ZNF516: variants seen among roughly 807,000 people sequenced by gnomAD.
The protein encoded by ZNF516 is zinc finger protein 516.
ZNF516 carries 19 observed loss-of-function variants against 79.7 expected under a neutral mutation model. The ratio of observed to expected loss-of-function variants is 0.24; its 90% CI spans 0.17 to 0.35. The LOEUF (loss-of-function observed/expected upper bound fraction) is 0.35. Ranked by LOEUF, ZNF516 falls within the 10% of genes least tolerant of loss-of-function variation. The pLI is 1.00. For synonymous variants in ZNF516, 877 were observed against 739.5 expected, an observed-to-expected ratio of 1.19 and a Z score of -3.02; for missense variants, 1,678 against 1,679.5, an observed-to-expected ratio of 1.00 and a Z score of 0.02.
chr18:76,412,737 C>T (rs1447507977), intron 3 of ZNF516, among the ~76,000 whole-genome samples: 1 of 152,230 alleles, frequency 6.6e-6, no homozygotes. Flanking sequence ...AGCTCCTGGA[C>T]TCTTTTCCTC....
At chr18:76,486,799 T>A (rs1347010443) in intron 1 of ZNF516, among the ~76,000 whole-genome samples, 4 of 152,120 alleles carry the variant, frequency 2.6e-5, no homozygotes, top group Admixed American at 6.5e-5. Flanking sequence ...CACAATTACA[T>A]ACGATATACA....
At chr18:76,401,443 G>A (rs533944997) in intron 3 of ZNF516, among the ~76,000 whole-genome samples, 222 of 152,228 alleles carry the variant, frequency 1.5e-3, no homozygotes, top group Non-Finnish European at 3.0e-3. Flanking sequence ...CCAAGCTGGA[G>A]CCCTGGATCT....
intron 3 of ZNF516, among the ~76,000 whole-genome samples, chr18:76,404,558 G>A (rs1398459478): frequency 6.6e-6 from 1 of 151,792 alleles, no homozygotes; most frequent in African/African-American, 2.4e-5. Context: ...GTGTGCATGT[G>A]TTTGTATGTT....
chr18:76,380,862 G>A (rs935415946), intron 3 of ZNF516, among the ~76,000 whole-genome samples: 5 of 152,172 alleles, frequency 3.3e-5, no homozygotes, highest in African/African-American at 1.2e-4. Flanking sequence ...TCAGCCATAG[G>A]GCTCCCTCCC....
chr18:76,488,211 CCAA>C, intron 1 of ZNF516: 3 of 985,348 alleles, frequency 3.0e-6, no homozygotes, highest in Non-Finnish European at 3.6e-6. Context: ...GATGCAGCTC[CCAA>C]CAACAGAGTA....
upstream of ZNF516, chr18:76,495,386 G>C (rs1390078349): frequency 6.8e-6 from 1 of 146,928 alleles, no homozygotes; most frequent in Non-Finnish European, 1.5e-5. Flanking sequence ...AGCCGGGCTC[G>C]GGGGGCTGCG....
intron 3 of ZNF516, among the ~76,000 whole-genome samples, chr18:76,438,811 G>T (rs1216691279): frequency 6.6e-6 from 1 of 152,154 alleles, no homozygotes; most frequent in African/African-American, 2.4e-5. Flanking sequence ...GGCACAACTG[G>T]GTATTACTGG....
chr18:76,426,350 C>A (rs1228550970), intron 3 of ZNF516, among the ~76,000 whole-genome samples: 1 of 152,154 alleles, frequency 6.6e-6, no homozygotes, highest in Non-Finnish European at 1.5e-5. Context: ...AATCAGCCAA[C>A]AAGACCAGAC....
At chr18:76,434,153 G>A (rs1452979258) in intron 3 of ZNF516, among the ~76,000 whole-genome samples, 1 of 147,576 alleles carries the variant, frequency 6.8e-6, no homozygotes, top group Non-Finnish European at 1.5e-5. Flanking sequence ...CTATCTCACG[G>A]GAACGGGGTG....
In ZNF516 at chr18:76,359,714, A is replaced by G. The variant is rs1033820187; in HGVS notation, c.*2784T>C. ...TTGTCTAAGTTACATTAGACGCAAC[A>G]CTGTAAAAAATCCTGTTAAGAAACA... On this transcript the variant is annotated 3_prime_UTR_variant, in exon 7 of 7. Transcript: ENST00000443185. The G allele has an allele frequency of 2.0e-5, 3 of 152,046 alleles. No individual in the cohort carries two copies. The highest frequency in any genetic ancestry group is 7.2e-5 in the African/African-American group (3 of 41,386). 9.4% of individuals were successfully genotyped at this position (152,046 alleles called of 1,614,324 possible).
rs186919958 is a variant in ZNF516, at chr18:76,405,730, C to T, written c.1811-25427G>A. On this transcript the variant is annotated intron_variant, in intron 3 of 6. Coordinates refer to ENST00000443185, the MANE Select transcript of ZNF516 (RefSeq NM_014643.4). ...ACCAAACGCCCCCGGTTGGTGACTC[C>T]GCTGACACACGCGTGATGAATGCGT... 9.8e-4 allele frequency among the ~76,000 whole-genome samples: 149 copies of T among 152,106 alleles called. 1 individual carries two copies. The South Asian group carries it at 0.012, about 12-fold the overall frequency.
chr18:76,409,312 C>T (rs1218562067), intron 3 of ZNF516, among the ~76,000 whole-genome samples: 1 of 152,092 alleles, frequency 6.6e-6, no homozygotes, highest in Non-Finnish European at 1.5e-5. Context: ...CAAATTTAAT[C>T]ACAAAATATT....
intron 3 of ZNF516, among the ~76,000 whole-genome samples, chr18:76,382,100 C>G (rs1425913829): frequency 6.6e-6 from 1 of 152,012 alleles, no homozygotes; most frequent in Non-Finnish European, 1.5e-5. Context: ...CCACTGCACT[C>G]CAGCCTGGGC....
intron 3 of ZNF516, among the ~76,000 whole-genome samples, chr18:76,425,104 C>T (rs556445296): frequency 1.3e-5 from 2 of 152,098 alleles, no homozygotes; most frequent in East Asian, 3.9e-4. Flanking sequence ...TCCCCTGACT[C>T]GGAAGGGCCT....
chr18:76,418,940 C>A (rs660342), intron 3 of ZNF516, among the ~76,000 whole-genome samples: 4 of 152,080 alleles, frequency 2.6e-5, no homozygotes, highest in Non-Finnish European at 4.4e-5. Flanking sequence ...TCCTCCAGCC[C>A]AAACACCTCA....
At chr18:76,424,416 C>G (rs1441702729) in intron 3 of ZNF516, among the ~76,000 whole-genome samples, 235 of 136,806 alleles carry the variant, frequency 1.7e-3, no homozygotes, top group Middle Eastern at 9.8e-3. Flanking sequence ...AAAAGGCTCC[C>G]TCCTGAAACA....
intron 3 of ZNF516, among the ~76,000 whole-genome samples, chr18:76,383,850 C>T (rs567809336): frequency 3.3e-5 from 5 of 152,350 alleles, no homozygotes; most frequent in Admixed American, 2.6e-4. Flanking sequence ...CCCTCGTCCC[C>T]GGCTCCTGGA....
intron 1 of ZNF516, chr18:76,490,781 C>T (rs1223921397): frequency 3.6e-5 from 35 of 985,328 alleles, no homozygotes; most frequent in Non-Finnish European, 4.0e-5. Flanking sequence ...TTGTGACTTG[C>T]TGGTTAAGTC....
chr18:76,374,373 C>A (rs558982466), intron 4 of ZNF516, among the ~76,000 whole-genome samples: 1 of 152,326 alleles, frequency 6.6e-6, no homozygotes, highest in Admixed American at 6.5e-5. Flanking sequence ...GGTAGTCACA[C>A]TGTACAATGA....
Sources: allele counts gnomAD v4.1 joint callset (sites outside exome capture counted in the v4.1 genomes callset), GRCh38; gene constraint gnomAD v4.1.1; transcripts MANE v1.5; gene names NCBI Gene and HGNC (gene_info 2026-07-23, HGNC 2026-07-21).